The following IQUB variants were observed in gnomAD, a reference collection of about 807,000 sequenced individuals.
The protein encoded by IQUB is IQ motif and ubiquitin domain containing.
IQUB carries 86 observed loss-of-function variants against 86.4 expected under a neutral mutation model. The observed-to-expected ratio is 1.00, with a 90% CI of 0.84 to 1.19. The LOEUF (loss-of-function observed/expected upper bound fraction) is 1.19, where lower values mean the gene tolerates loss of function less well. IQUB is among the 50% of genes most tolerant of loss of function. The pLI, the probability that IQUB is intolerant of heterozygous loss-of-function variation, is 0.00. For missense variants in IQUB, 946 were observed against 916.9 expected (o/e 1.03, Z -0.41); for synonymous variants, 289 against 304.5 (o/e 0.95, Z 0.53).
At chr7:123,469,154 C>T in intron 9 of IQUB, 60 bp downstream of exon 9, 1 of 1,157,950 alleles carries the variant, frequency 8.6e-7, no homozygotes. Flanking sequence ...TTTAGTATTT[C>T]ATTAATTTTT....
At chr7:123,524,927 T>G (rs1474471405) in intron 1 of IQUB, among the ~76,000 whole-genome samples, 6 of 150,570 alleles carry the variant, frequency 4.0e-5, no homozygotes, top group Admixed American at 6.6e-5. Flanking sequence ...TTGAATTTTG[T>G]CAAAGGCCTT....
intron 7 of IQUB, among the ~76,000 whole-genome samples, chr7:123,484,607 A>C (rs1207125518): frequency 6.6e-6 from 1 of 152,084 alleles, no homozygotes; most frequent in East Asian, 1.9e-4. Flanking sequence ...TAGAGCACTA[A>C]GTTATTATTT....
intron 7 of IQUB, among the ~76,000 whole-genome samples, chr7:123,480,195 T>A (rs4731107): frequency 0.82 from 124,574 of 152,074 alleles, 51,064 homozygotes; most frequent in African/African-American, 0.84. Flanking sequence ...AACAGTACAG[T>A]TGATGTCAAA....
Position 123,452,193 on chromosome 7 carries a change from T to C in IQUB, c.*550A>G, listed in dbSNP as rs1472241234. ...TGAAGGTTTTTTGTTTATTTATAAA[T>C]AGTTTCAAGTGTTGTTTTATTGGGA... On this transcript the variant is annotated 3_prime_UTR_variant, in exon 13 of 13. Coordinates refer to ENST00000324698, the MANE Select transcript of IQUB (RefSeq NM_178827.5). Among the ~76,000 whole-genome samples the C allele has an allele frequency of 6.6e-6, 1 of 152,056 alleles. No homozygotes were observed. Among genetic ancestry groups the C allele is most frequent in the Admixed American group, 6.6e-5 (1 of 15,266 alleles).
chr7:123,486,125 G>C (rs1795203610), intron 7 of IQUB, among the ~76,000 whole-genome samples: 1 of 152,132 alleles, frequency 6.6e-6, no homozygotes, highest in South Asian at 2.1e-4. Flanking sequence ...CCACGAAAGG[G>C]TTTTACGTTA....
intron 8 of IQUB, among the ~76,000 whole-genome samples, chr7:123,476,798 G>A (rs765767871): frequency 6.6e-6 from 1 of 151,764 alleles, no homozygotes; most frequent in Non-Finnish European, 1.5e-5. Context: ...CCAGGGCAGA[G>A]CTTTTTCCCT....
At chr7:123,524,858 A>G (rs1797109801) in intron 1 of IQUB, among the ~76,000 whole-genome samples, 1 of 151,024 alleles carries the variant, frequency 6.6e-6, no homozygotes, top group Non-Finnish European at 1.5e-5. Flanking sequence ...AGCTCTTATT[A>G]TTTTCAGATA....
At chr7:123,460,405 G>C (rs533244694) in intron 11 of IQUB, among the ~76,000 whole-genome samples, 2 of 148,018 alleles carry the variant, frequency 1.4e-5, no homozygotes, top group South Asian at 4.4e-4. Context: ...ATCACATTTG[G>C]TATCTTTTTT....
At chr7:123,501,530 A>T (rs1046518997) in intron 6 of IQUB, 9 of 152,186 alleles carry the variant, frequency 5.9e-5, no homozygotes, top group African/African-American at 2.2e-4. Context: ...TAAATTCAGA[A>T]ACTATCAGAA....
At chr7:123,453,118 C>G (rs1290401143) in intron 12 of IQUB, among the ~76,000 whole-genome samples, 193 bp from the exon 13 acceptor site, 1 of 151,754 alleles carries the variant, frequency 6.6e-6, no homozygotes, top group Non-Finnish European at 1.5e-5. Flanking sequence ...CCAACTCTCC[C>G]TCTGACTTCT....
At chr7:123,519,719 T>A (rs1042832046) in intron 1 of IQUB, among the ~76,000 whole-genome samples, 1 of 152,164 alleles carries the variant, frequency 6.6e-6, no homozygotes, top group African/African-American at 2.4e-5. Context: ...AAGGAGTAAG[T>A]TCTATGTTTG....
chr7:123,458,764 A>G (rs1355058685), intron 11 of IQUB, among the ~76,000 whole-genome samples: 1 of 151,994 alleles, frequency 6.6e-6, no homozygotes, highest in Non-Finnish European at 1.5e-5. Context: ...CTACCTTTCA[A>G]GTAGTCATTG....
At chr7:123,475,134 C>T (rs1452003220) in intron 8 of IQUB, among the ~76,000 whole-genome samples, 1 of 152,106 alleles carries the variant, frequency 6.6e-6, no homozygotes, top group Non-Finnish European at 1.5e-5. Flanking sequence ...TCACACTGTA[C>T]ACCCACTGCC....
chr7:123,534,269 A>G (rs1202561373), intron 1 of IQUB, among the ~76,000 whole-genome samples: 1 of 152,168 alleles, frequency 6.6e-6, no homozygotes, highest in Non-Finnish European at 1.5e-5. Context: ...TTCAAGTCCC[A>G]AATCAGAGAG....
chr7:123,461,449 C>G lies in IQUB; in HGVS notation c.1915G>C (p.Glu639Gln), dbSNP rs747254594. 6.2e-7 allele frequency: 1 copy of G among 1,612,026 alleles called. No homozygotes were observed. The highest frequency in any genetic ancestry group is 1.1e-5 in the South Asian group (1 of 91,000). Residue 639 changes from glutamate (E) to glutamine (Q), a missense_variant, in exon 11 of 13, where the codon GAA becomes CAA. Glu to Gln is a conservative substitution (Grantham distance 29, BLOSUM62 2). Transcript: ENST00000324698. ...INLQNEAQKR[E>Q]SFLKYKCLLQ... The stretch of plus-strand genomic sequence containing the variant: ...AAACATTTGTACTTCAAAAATGATT[C>G]TCGTTTTTGAGCCTCATTCTGAAGG...
rs1004422790 is a variant in IQUB, at chr7:123,469,378, C to A, written c.1417G>T (p.Ala473Ser). Residue 473 changes from alanine (A) to serine (S), a missense_variant, in exon 9 of 13, where the codon GCT (alanine) becomes TCT (serine). Transcript: ENST00000324698. ...AIQAFLDKCS[A>S]PKIWRTPNGK... ...TTAGGGGTTCTCCATATTTTTGGAG[C>A]TGAACACTTAAAAATAATATTATGT... 8 of 1,555,682 alleles carry A rather than the reference C, an allele frequency of 5.1e-6. No individual in the cohort carries two copies. In the East Asian group the frequency reaches 1.4e-4, roughly 27 times the overall value.
chr7:123,464,087 G>A (rs367874314), intron 10 of IQUB, among the ~76,000 whole-genome samples: 2 of 151,720 alleles, frequency 1.3e-5, no homozygotes, highest in Non-Finnish European at 3.0e-5. Flanking sequence ...AGCTAAAGAT[G>A]TTTAGTCAGC....
intron 7 of IQUB, among the ~76,000 whole-genome samples, chr7:123,482,493 A>G (rs1366080073): frequency 2.0e-5 from 3 of 152,092 alleles, no homozygotes; most frequent in South Asian, 2.1e-4. Flanking sequence ...ACTAATAACA[A>G]AAGTTTATAT....
intron 1 of IQUB, among the ~76,000 whole-genome samples, chr7:123,514,850 T>C (rs1037415879): frequency 1.3e-5 from 2 of 152,226 alleles, no homozygotes; most frequent in African/African-American, 4.8e-5. Flanking sequence ...ACATGTGATA[T>C]TTGACTTTCT....
Sources: allele counts gnomAD v4.1 joint callset (sites outside exome capture counted in the v4.1 genomes callset), GRCh38; gene constraint gnomAD v4.1.1; transcripts MANE v1.5; gene names NCBI Gene and HGNC (gene_info 2026-07-23, HGNC 2026-07-21).